The following DLC1 variants were observed in gnomAD, a reference collection of about 807,000 sequenced individuals.
DLC1 encodes rho GTPase-activating protein 7.
In DLC1, 54 loss-of-function variants were observed where a neutral mutation model predicts 140.3. That is an observed-to-expected ratio of 0.38 (90% confidence interval 0.31 to 0.48). The LOEUF (loss-of-function observed/expected upper bound fraction) is 0.48, where lower values mean the gene tolerates loss of function less well. Ranked by LOEUF, DLC1 falls within the 20% of genes least tolerant of loss-of-function variation. DLC1 has a pLI of 0.96. For missense variants in DLC1, 2,536 were observed against 1,907.0 expected (o/e 1.33, Z -6.14); for synonymous variants, 986 against 728.1 (o/e 1.35, Z -5.70).
chr8:13,245,375 T>C (rs961744770), intron 5 of DLC1, among the ~76,000 whole-genome samples: 1 of 152,230 alleles, frequency 6.6e-6, no homozygotes, highest in African/African-American at 2.4e-5. Flanking sequence ...TCTGTGCCTA[T>C]CCCAATTCTG....
At chr8:13,550,427 T>C (rs938172755) in intron 1 of DLC1, among the ~76,000 whole-genome samples, 2 of 152,124 alleles carry the variant, frequency 1.3e-5, no homozygotes, top group Non-Finnish European at 2.9e-5. Flanking sequence ...CTTAATAGTA[T>C]CTTTGTAGCA....
chr8:13,108,187 C>A (rs898769572), intron 7 of DLC1, among the ~76,000 whole-genome samples: 1 of 152,108 alleles, frequency 6.6e-6, no homozygotes, highest in African/African-American at 2.4e-5. Context: ...TGGACAAGAG[C>A]CCTGGGGTTT....
intron 5 of DLC1, among the ~76,000 whole-genome samples, chr8:13,228,521 T>C (rs566779302): frequency 9.2e-5 from 14 of 151,942 alleles, no homozygotes; most frequent in African/African-American, 2.9e-4. Flanking sequence ...GGTGGGAGGA[T>C]TGGGAGGAGT....
intron 5 of DLC1, among the ~76,000 whole-genome samples, chr8:13,288,422 C>A (rs77872854): frequency 1.3e-5 from 2 of 152,204 alleles, no homozygotes; most frequent in South Asian, 2.1e-4. Flanking sequence ...TAAACTCAAA[C>A]TCTAGCCTCC....
chr8:13,368,555 A>T (rs995019923), intron 4 of DLC1, among the ~76,000 whole-genome samples: 1 of 151,892 alleles, frequency 6.6e-6, no homozygotes, highest in African/African-American at 2.4e-5. Context: ...TAGAAAAAAA[A>T]GTTCTTACAG....
intron 5 of DLC1, among the ~76,000 whole-genome samples, chr8:13,296,555 A>G (rs146628408): frequency 3.1e-4 from 47 of 152,302 alleles, no homozygotes; most frequent in African/African-American, 1.1e-3. Flanking sequence ...AAATATTATG[A>G]AAAGTCCTGG....
intron 1 of DLC1, among the ~76,000 whole-genome samples, chr8:13,559,556 A>G (rs986639342): frequency 6.6e-6 from 1 of 152,190 alleles, no homozygotes; most frequent in African/African-American, 2.4e-5. Flanking sequence ...CATGTCATTC[A>G]ACACTATGTA....
chr8:13,131,828 A>G (rs948154977), intron 5 of DLC1, among the ~76,000 whole-genome samples: 5 of 152,178 alleles, frequency 3.3e-5, no homozygotes, highest in Admixed American at 3.3e-4. Flanking sequence ...GCTGACCAGG[A>G]TGAGACCCCA....
At chr8:13,232,804 C>G (rs1241686509) in intron 5 of DLC1, among the ~76,000 whole-genome samples, 2 of 152,146 alleles carry the variant, frequency 1.3e-5, no homozygotes, top group Non-Finnish European at 2.9e-5. Context: ...ATGAAAATAT[C>G]CTATAGTCTC....
In DLC1 at chr8:13,299,231, C is replaced by A. The variant is rs529409510; in HGVS notation, c.1348+6038G>T. ...GCCAAGGCGGGTGGATCCCTTGAGGCCAGGTGTTCAAGACCAGCCCAGCCA... is the reference window on the plus strand; with the variant it reads ...GCCAAGGCGGGTGGATCCCTTGAGGACAGGTGTTCAAGACCAGCCCAGCCA... On this transcript the variant is annotated intron_variant, in intron 5 of 17. Transcript: ENST00000276297. Among the ~76,000 whole-genome samples the A allele has an allele frequency of 3.2e-4, 48 of 151,850 alleles. 1 individual carries two copies. The South Asian group carries it at 9.6e-3, about 30-fold the overall frequency.
intron 6 of DLC1, 28 bp from the exon 7 acceptor site, chr8:13,110,851 G>T: frequency 6.2e-7 from 1 of 1,610,746 alleles, no homozygotes; most frequent in Non-Finnish European, 8.5e-7. Context: ...AGATGTATTT[G>T]TTGAGCGCCT....
chr8:13,399,032 G>C (rs1353964032), intron 3 of DLC1, among the ~76,000 whole-genome samples: 1 of 152,138 alleles, frequency 6.6e-6, no homozygotes, highest in African/African-American at 2.4e-5. Flanking sequence ...GAGACCAAAA[G>C]ATACTGCAGA....
rs191771343 is a variant in DLC1 at position 13,353,956 on chromosome 8, A to C, written c.1314+39597T>G. On this transcript the variant is annotated intron_variant, in intron 4 of 17. Coordinates refer to ENST00000276297, the MANE Select transcript of DLC1 (RefSeq NM_182643.3). ...ATTTATTCAGTGATGGTTGAAAGTG[A>C]AAGAGGCTGATGGGTTCCTTCTGTG... Among the ~76,000 whole-genome samples the C allele has an allele frequency of 1.4e-3, 208 of 152,236 alleles. 4 individuals carry two copies. The highest frequency in any genetic ancestry group is 4.4e-4 in the Non-Finnish European group (30 of 68,008).
chr8:13,325,450 ACACACACACACAC>A (rs1326880501), intron 4 of DLC1, among the ~76,000 whole-genome samples: 3 of 172 alleles, frequency 0.017, no homozygotes, highest in Non-Finnish European at 0.043. Context: ...AGTTCTGTAT[ACACACACACACAC>A]ACACACACAC....
intron 2 of DLC1, among the ~76,000 whole-genome samples, chr8:13,473,438 A>G (rs1022099482): frequency 6.6e-6 from 1 of 152,110 alleles, no homozygotes; most frequent in African/African-American, 2.4e-5. Flanking sequence ...CTAAGATGTG[A>G]CTTGCTTCTT....
intron 3 of DLC1, among the ~76,000 whole-genome samples, chr8:13,394,641 A>G (rs10104565): frequency 0.078 from 11,856 of 152,170 alleles, 1,557 homozygotes; most frequent in African/African-American, 0.27. Flanking sequence ...AAATATCTCT[A>G]TGTATCCTCT....
chr8:13,490,031 G>C (rs1011259456), intron 2 of DLC1, among the ~76,000 whole-genome samples: 5 of 106,846 alleles, frequency 4.7e-5, no homozygotes, highest in African/African-American at 1.8e-4. Flanking sequence ...GGGCATGAAA[G>C]GCTCACAAAG....
intron 6 of DLC1, among the ~76,000 whole-genome samples, chr8:13,111,990 A>C (rs1820150935): frequency 6.6e-6 from 1 of 152,100 alleles, no homozygotes; most frequent in African/African-American, 2.4e-5. Context: ...TACAAAAAAA[A>C]TCTAAAAAAA....
At chr8:13,093,391 T>A (rs1285493980) in intron 12 of DLC1, among the ~76,000 whole-genome samples, 1 of 152,142 alleles carries the variant, frequency 6.6e-6, no homozygotes, top group African/African-American at 2.4e-5. Context: ...CTGAAAATAT[T>A]CAGTTCAGTT....
Sources: allele counts gnomAD v4.1 joint callset (sites outside exome capture counted in the v4.1 genomes callset), GRCh38; gene constraint gnomAD v4.1.1; transcripts MANE v1.5; gene names NCBI Gene and HGNC (gene_info 2026-07-23, HGNC 2026-07-21).